Variants in UPRT observed in about 807,000 individuals in gnomAD.
UPRT encodes the protein RP11-311P8.3.
Under a neutral mutation model 22.6 loss-of-function variants are expected in UPRT, and 5 were observed. The observed-to-expected ratio is 0.22, with a 90% confidence interval of 0.12 to 0.47. The LOEUF (loss-of-function observed/expected upper bound fraction) is 0.47, where lower values mean the gene tolerates loss of function less well. Ranked by LOEUF, UPRT falls within the 20% of genes least tolerant of loss-of-function variation. UPRT has a pLI of 0.99. For missense variants in UPRT, 181 were observed against 239.9 expected (o/e 0.75, Z 1.62); for synonymous variants, 77 against 87.7 (o/e 0.88, Z 0.68).
chrX:75,218,878 G>T (rs983398257), intron 4 of UPRT, among the ~76,000 whole-genome samples: 1 of 109,917 alleles, frequency 9.1e-6, no homozygotes, highest in Non-Finnish European at 1.9e-5. Flanking sequence ...TCACACTCTG[G>T]GGACTGTTGT....
intron 2 of UPRT, among the ~76,000 whole-genome samples, chrX:75,161,310 A>G: frequency 8.9e-6 from 1 of 112,940 alleles, no homozygotes; most frequent in East Asian, 2.8e-4. Flanking sequence ...ATGATATCCA[A>G]ATCCAGAAGG....
At chrX:75,259,735 T>G (rs2082561663) in intron 4 of UPRT, among the ~76,000 whole-genome samples, 1 of 110,762 alleles carries the variant, frequency 9.0e-6, no homozygotes, top group Admixed American at 9.7e-5. Flanking sequence ...ATGCCAACAT[T>G]CAAATTCAGG....
chrX:75,293,373 G>T, intron 1 of UPRT, 99 bp from the exon 2 acceptor site: 1 of 783,211 alleles, frequency 1.3e-6, no homozygotes, highest in Non-Finnish European at 1.8e-6. Flanking sequence ...TAAGCTTTTA[G>T]TATGTTATAG....
chrX:75,184,981 G>C (rs781675515), intron 4 of UPRT, among the ~76,000 whole-genome samples: 3 of 110,946 alleles, frequency 2.7e-5, no homozygotes, highest in African/African-American at 6.5e-5. Context: ...TACAATTTGA[G>C]TTCCTCTTTT....
upstream of UPRT, among the ~76,000 whole-genome samples, chrX:75,269,532 G>T (rs778616575): frequency 9.0e-6 from 1 of 111,705 alleles, no homozygotes; most frequent in East Asian, 2.8e-4. Flanking sequence ...AGCCAAAACA[G>T]CATGGTACTG....
At chrX:75,233,852 C>G (rs374793832) in intron 4 of UPRT, among the ~76,000 whole-genome samples, 1 of 110,545 alleles carries the variant, frequency 9.0e-6, no homozygotes, top group African/African-American at 3.3e-5. Flanking sequence ...TAAAGACCAT[C>G]GAGACTAGGA....
intron 4 of UPRT, among the ~76,000 whole-genome samples, chrX:75,183,670 C>A (rs2082279044): frequency 8.9e-6 from 1 of 111,869 alleles, no homozygotes; most frequent in Admixed American, 9.5e-5. Context: ...TTCTCCACAT[C>A]CTCCCCAGCA....
At chrX:75,296,533 T>C (rs1275130294) in intron 3 of UPRT, 122 bp downstream of exon 3, 1 of 549,276 alleles carries the variant, frequency 1.8e-6, no homozygotes, top group Non-Finnish European at 2.8e-6. Flanking sequence ...GTGGAGCTAT[T>C]CTTTTAAAAT....
intron 4 of UPRT, among the ~76,000 whole-genome samples, chrX:75,241,724 G>A (rs909776222): frequency 3.6e-5 from 4 of 111,794 alleles, no homozygotes; most frequent in African/African-American, 6.5e-5. Context: ...TATATATCAT[G>A]GAATTGTTCC....
At chrX:75,273,610 A>G (rs944813712), upstream of UPRT, among the ~76,000 whole-genome samples, 5 of 111,575 alleles carry the variant, frequency 4.5e-5, no homozygotes, top group African/African-American at 1.6e-4. Flanking sequence ...GGGCCCAACC[A>G]ATAAAGATAA....
intron 4 of UPRT, among the ~76,000 whole-genome samples, chrX:75,193,265 T>A (rs1009854926): frequency 7.1e-5 from 8 of 112,373 alleles, no homozygotes; most frequent in Non-Finnish European, 1.5e-4. Flanking sequence ...CAAAAATTCT[T>A]TTCTTAAGAA....
At chrX:75,160,230 C>T (rs940388721) in intron 1 of UPRT, among the ~76,000 whole-genome samples, 16 of 111,665 alleles carry the variant, frequency 1.4e-4, no homozygotes, top group Non-Finnish European at 2.8e-4. Context: ...TTTTCCTCTT[C>T]GTTTTCTAAC....
intron 4 of UPRT, among the ~76,000 whole-genome samples, chrX:75,219,493 G>A (rs1479546554): frequency 8.9e-6 from 1 of 111,799 alleles, no homozygotes; most frequent in Non-Finnish European, 1.9e-5. Context: ...AAGAGTTTTT[G>A]TTGTAATTCT....
chrX:75,240,598 CAAAG>C (rs1040726069), intron 4 of UPRT, among the ~76,000 whole-genome samples: 10 of 111,351 alleles, frequency 9.0e-5, no homozygotes, highest in Non-Finnish European at 1.9e-4. Context: ...TTATATGGAA[CAAAG>C]AAAGAGCCCG....
chrX:75,226,157 A>G (rs1472000955), intron 4 of UPRT, among the ~76,000 whole-genome samples: 6 of 111,322 alleles, frequency 5.4e-5, no homozygotes, highest in Non-Finnish European at 1.1e-4. Flanking sequence ...GCAATCTACC[A>G]GCAAAATTTA....
chrX:75,284,148 G>T (rs1478185954), intron 1 of UPRT, among the ~76,000 whole-genome samples: 1 of 111,332 alleles, frequency 9.0e-6, no homozygotes, highest in African/African-American at 3.3e-5. Flanking sequence ...CTAAATTTTT[G>T]ATTGTTTTTT....
chrX:75,160,395 G>A (rs2082195455), intron 1 of UPRT, among the ~76,000 whole-genome samples: 1 of 111,377 alleles, frequency 9.0e-6, no homozygotes, highest in Admixed American at 9.6e-5. Flanking sequence ...TGTCTCTATT[G>A]TATACCTCTT....
intron 1 of UPRT, among the ~76,000 whole-genome samples, chrX:75,279,875 A>G (rs988496832): frequency 9.0e-6 from 1 of 111,062 alleles, no homozygotes; most frequent in African/African-American, 3.3e-5. Flanking sequence ...TAGCTGCCAC[A>G]TACTAGTGAG....
chrX:75,301,149 T>C, intron 6 of UPRT, 184 bp downstream of exon 6: 1 of 336,510 alleles, frequency 3.0e-6, no homozygotes, highest in Non-Finnish European at 5.1e-6. Context: ...TATACCATTC[T>C]AATGTTCAAA....
Sources: allele counts gnomAD v4.1 joint callset (sites outside exome capture counted in the v4.1 genomes callset), GRCh38; gene constraint gnomAD v4.1.1; transcripts MANE v1.5; gene names NCBI Gene and HGNC (gene_info 2026-07-23, HGNC 2026-07-21).